Variants in FBXW7 observed in about 807,000 individuals in gnomAD.
FBXW7 encodes the protein F-box and WD repeat domain containing 7.
A neutral mutation model predicts 86.3 loss-of-function variants in FBXW7; 11 were observed. The ratio of observed to expected loss-of-function variants is 0.13; its 90% CI spans 0.08 to 0.21. The LOEUF (loss-of-function observed/expected upper bound fraction) is 0.21, where lower values mean the gene tolerates loss of function less well. Among genes scored for constraint, FBXW7 ranks in the 10% least tolerant of loss-of-function variants. FBXW7 has a pLI of 1.00. For missense variants in FBXW7, 488 were observed against 847.4 expected (o/e 0.58, Z 5.27); for synonymous variants, 313 against 297.9 (o/e 1.05, Z -0.52).
chr4:152,465,010 T>C (rs1743275058), intron 2 of FBXW7, among the ~76,000 whole-genome samples: 1 of 152,198 alleles, frequency 6.6e-6, no homozygotes, highest in African/African-American at 2.4e-5. Context: ...CAAAGATCCA[T>C]CTAATGAAGA....
intron 2 of FBXW7, among the ~76,000 whole-genome samples, chr4:152,425,453 G>C (rs1739297636): frequency 6.6e-6 from 1 of 152,006 alleles, no homozygotes; most frequent in Non-Finnish European, 1.5e-5. Flanking sequence ...CTTAAATATT[G>C]TATTTTTAGT....
intron 2 of FBXW7, among the ~76,000 whole-genome samples, chr4:152,425,425 T>C (rs1560881881): frequency 6.6e-6 from 1 of 152,214 alleles, no homozygotes; most frequent in African/African-American, 2.4e-5. Context: ...TCCCCTCTGA[T>C]AGTACTTCAA....
chr4:152,449,062 G>A (rs944646232), intron 2 of FBXW7, among the ~76,000 whole-genome samples: 3 of 152,138 alleles, frequency 2.0e-5, no homozygotes, highest in South Asian at 2.1e-4. Flanking sequence ...TTCAAGAACC[G>A]TTTAATATCT....
chr4:152,504,807 T>C (rs577055441), intron 2 of FBXW7, among the ~76,000 whole-genome samples: 1 of 152,322 alleles, frequency 6.6e-6, no homozygotes, highest in Admixed American at 6.5e-5. Flanking sequence ...AAAGAGAATC[T>C]AAAATAACAA....
intron 2 of FBXW7, among the ~76,000 whole-genome samples, chr4:152,514,445 G>A (rs1748272808): frequency 6.6e-6 from 1 of 152,076 alleles, no homozygotes; most frequent in Admixed American, 6.5e-5. Flanking sequence ...AGATTCTCAG[G>A]GGTGGGGAGG....
chr4:152,341,896 T>C (rs190016799), intron 6 of FBXW7, among the ~76,000 whole-genome samples: 2 of 152,224 alleles, frequency 1.3e-5, no homozygotes, highest in East Asian at 3.9e-4. Flanking sequence ...GATAACTGAA[T>C]TGGGGATCAG....
At chr4:152,355,303 T>C (rs1227996328) in intron 4 of FBXW7, among the ~76,000 whole-genome samples, 1 of 152,098 alleles carries the variant, frequency 6.6e-6, no homozygotes, top group Non-Finnish European at 1.5e-5. Context: ...TGGGTTTGTG[T>C]CTGTATTTAT....
In FBXW7 at chr4:152,535,391, G is replaced by C; in HGVS notation, c.-477C>G. The C allele has an allele frequency of 2.6e-6, 1 of 384,394 alleles. No individual in the cohort carries two copies. The highest frequency in any genetic ancestry group is 4.6e-6 in the Non-Finnish European group (1 of 217,256). 23.8% of individuals were successfully genotyped at this position (384,394 alleles called of 1,614,324 possible). On this transcript the variant is annotated 5_prime_UTR_variant, in exon 1 of 14. Coordinates refer to ENST00000281708, the MANE Select transcript of FBXW7 (RefSeq NM_001349798.2). ...GACTGGCCAAGGGAGAAGACCCCCG[G>C]AGGGGGCTGAGGGGAGGGGGAAGGT...
At chr4:152,482,805 T>A (rs1331040160) in intron 2 of FBXW7, among the ~76,000 whole-genome samples, 7 of 152,206 alleles carry the variant, frequency 4.6e-5, no homozygotes, top group Non-Finnish European at 7.3e-5. Context: ...TTTATTCTCT[T>A]ACAGTGATAT....
chr4:152,337,128 C>T (rs939928592), intron 7 of FBXW7, among the ~76,000 whole-genome samples: 1 of 151,532 alleles, frequency 6.6e-6, no homozygotes, highest in African/African-American at 2.4e-5. Context: ...GTTATGAATG[C>T]CCATATAATC....
intron 2 of FBXW7, among the ~76,000 whole-genome samples, chr4:152,459,600 T>G (rs143501935): frequency 6.6e-6 from 1 of 152,264 alleles, no homozygotes; most frequent in East Asian, 1.9e-4. Context: ...GGGCAGGAAG[T>G]ACACTAGTCC....
chr4:152,419,256 T>C (rs897172868), intron 2 of FBXW7, among the ~76,000 whole-genome samples: 3 of 152,184 alleles, frequency 2.0e-5, no homozygotes, highest in Admixed American at 6.5e-5. Context: ...TTTTGGCTTA[T>C]GCTAGTTACT....
chr4:152,474,959 C>T (rs190950420), intron 2 of FBXW7, among the ~76,000 whole-genome samples: 27 of 152,104 alleles, frequency 1.8e-4, no homozygotes, highest in African/African-American at 6.5e-4. Context: ...CCACCACGCC[C>T]GGCATGGTAG....
intron 11 of FBXW7, among the ~76,000 whole-genome samples, chr4:152,327,906 A>G (rs1290879545): frequency 6.6e-6 from 1 of 151,870 alleles, no homozygotes; most frequent in Non-Finnish European, 1.5e-5. Context: ...AGAAAACATG[A>G]TTTCTGCTTG....
intron 2 of FBXW7, among the ~76,000 whole-genome samples, chr4:152,454,612 C>A (rs1253290263): frequency 6.6e-6 from 1 of 151,886 alleles, no homozygotes; most frequent in Non-Finnish European, 1.5e-5. Context: ...GAAGAGGGAA[C>A]TATAATATTT....
intron 2 of FBXW7, among the ~76,000 whole-genome samples, chr4:152,453,787 C>G (rs1742136278): frequency 6.6e-6 from 1 of 151,820 alleles, no homozygotes; most frequent in Non-Finnish European, 1.5e-5. Context: ...GTGTTAGTTT[C>G]TAAAAGAAAA....
chr4:152,349,085 C>G (rs1479330064), intron 5 of FBXW7, among the ~76,000 whole-genome samples: 1 of 151,882 alleles, frequency 6.6e-6, no homozygotes, highest in Admixed American at 6.6e-5. Flanking sequence ...GAAATAAAAA[C>G]AAGCTATTTC....
chr4:152,326,816 A>C (rs749013590), intron 11 of FBXW7, among the ~76,000 whole-genome samples: 1 of 152,156 alleles, frequency 6.6e-6, no homozygotes. Flanking sequence ...TACACTATAC[A>C]TTCCAGTAAA....
intron 6 of FBXW7, among the ~76,000 whole-genome samples, chr4:152,341,987 A>G (rs1358812651): frequency 2.0e-5 from 3 of 152,192 alleles, no homozygotes; most frequent in Non-Finnish European, 2.9e-5. Context: ...GCAAAAGCAG[A>G]GTGTTGGATA....
Sources: gnomAD v4.1 joint callset for allele counts (sites outside exome capture counted in the v4.1 genomes callset) on GRCh38, gnomAD v4.1.1 for gene constraint, MANE v1.5 for transcripts, NCBI Gene and HGNC (gene_info 2026-07-23, HGNC 2026-07-21) for gene names.